EPHA8: variants seen among roughly 807,000 people sequenced by gnomAD.
The protein encoded by EPHA8 is EPH receptor A8.
EPHA8 carries 58 observed loss-of-function variants against 103.6 expected under a neutral mutation model. That is an observed-to-expected ratio of 0.56 (90% CI 0.45 to 0.70). The LOEUF is 0.70. EPHA8 is among the 30% of genes least tolerant of loss of function. The pLI is 0.00. For synonymous variants in EPHA8, 559 were observed against 572.5 expected (o/e 0.98, Z 0.34); for missense variants, 1,304 against 1,395.2 (o/e 0.93, Z 1.04).
In EPHA8 at chr1:22,598,238, C is replaced by T. The variant is rs775167606; in HGVS notation, c.2178+26C>T. 14 of 1,609,744 alleles carry T rather than the reference C, an allele frequency of 8.7e-6. No homozygotes were observed. The highest frequency in any genetic ancestry group is 1.2e-5 in the Non-Finnish European group (14 of 1,178,130). On this transcript the variant is annotated intron_variant, in intron 12 of 16. Coordinates refer to ENST00000166244, the MANE Select transcript of EPHA8 (RefSeq NM_020526.5). This position sits in a 1 kb window ranked among gnomAD's most constrained non-coding sequence, Gnocchi z 5.1. ...GTGCGTGTCCCACCCCTGCCTCTTG[C>T]ATGGGCTTGGGGAGGGAGGTCCAGT...
chr1:22,597,870 C>T lies in EPHA8; in HGVS notation c.2116+9C>T, dbSNP rs116211708. The stretch of plus-strand genomic sequence containing the variant: ...GGGTGTCGTCACCCGTGGTAGGTGC[C>T]GGGCAAAGACAGCCTCCCCCTGCAG... On this transcript the variant is annotated intron_variant, in intron 11 of 16. Coordinates refer to ENST00000166244, the MANE Select transcript of EPHA8 (RefSeq NM_020526.5). The surrounding 1 kb of genome is among the most constrained non-coding windows in gnomAD (Gnocchi z 4.6). 2.1e-5 allele frequency: 33 copies of T among 1,600,554 alleles called. No individual in the cohort carries two copies. The African/African-American group carries it at 2.4e-4, about 12-fold the overall frequency.
chr1:22,578,461 CATGT>C (rs1192922529), intron 3 of EPHA8, among the ~76,000 whole-genome samples: 6 of 141,240 alleles, frequency 4.2e-5, no homozygotes, highest in African/African-American at 1.6e-4. Context: ...CGAGTGTATG[CATGT>C]GTGTGCATGT....
intron 1 of EPHA8, among the ~76,000 whole-genome samples, chr1:22,568,037 C>T (rs74060285): frequency 0.028 from 4,234 of 152,298 alleles, 218 homozygotes; most frequent in African/African-American, 0.095. Context: ...CAGCATAATG[C>T]ATCTGTTTCA....
At chr1:22,586,899 C>G (rs1216090604) in intron 4 of EPHA8, among the ~76,000 whole-genome samples, 1 of 152,242 alleles carries the variant, frequency 6.6e-6, no homozygotes, top group Non-Finnish European at 1.5e-5. Context: ...TTCCCCACAT[C>G]GGGCAGTTTT....
chr1:22,577,031 A>G, intron 3 of EPHA8, 151 bp downstream of exon 3: 4 of 979,418 alleles, frequency 4.1e-6, no homozygotes, highest in South Asian at 1.8e-5. Context: ...CAGTGTTCCT[A>G]CATCAGGAAA....
intron 13 of EPHA8, 55 bp from the exon 14 acceptor site, chr1:22,600,606 G>A (rs1032341371): frequency 7.3e-5 from 116 of 1,599,624 alleles, no homozygotes; most frequent in Admixed American, 1.4e-4. Flanking sequence ...CAGACGGCTC[G>A]GGGGACACCC....
intron 4 of EPHA8, 29 bp downstream of exon 4, chr1:22,586,664 C>G: frequency 6.2e-7 from 1 of 1,608,960 alleles, no homozygotes; most frequent in Non-Finnish European, 8.5e-7. Context: ...TGCCAGTACC[C>G]TTGAGCCCAA....
In EPHA8 at chr1:22,598,161, A is replaced by G. The variant is rs1038007097; in HGVS notation, c.2127A>G (p.Ala709=). ...CTACTGCCCGCCCAGGCCGCCTGGC[A>G]ATGATTGTGACTGAGTACATGGAGA... is the stretch of plus-strand genomic sequence containing the variant. ...LEGVVTRGRL[A]MIVTEYMENG... is the part of the protein sequence containing the mutation. Residue 709 remains alanine (A), a synonymous_variant, in exon 12 of 17, where the codon GCA becomes GCG. Transcript: ENST00000166244. The surrounding 1 kb of genome is among the most constrained non-coding windows in gnomAD (Gnocchi z 5.1). The G allele has an allele frequency of 3.7e-6, 6 of 1,613,336 alleles. No individual in the cohort carries two copies. The highest frequency in any genetic ancestry group is 5.1e-6 in the Non-Finnish European group (6 of 1,179,964).
intron 3 of EPHA8, among the ~76,000 whole-genome samples, chr1:22,578,143 T>TATGC (rs1491483979): frequency 3.8e-4 from 36 of 95,756 alleles, no homozygotes; most frequent in South Asian, 1.2e-3. Context: ...TGCATGTGTG[T>TATGC]ATGTGTGCGT....
chr1:22,601,666 G>A lies in EPHA8; in HGVS notation c.2943G>A (p.Gln981=). 1 of 1,595,422 alleles carries A rather than the reference G, an allele frequency of 6.3e-7. No homozygotes were observed. The highest frequency in any genetic ancestry group is 8.5e-7 in the Non-Finnish European group (1 of 1,171,120). The change falls in exon 17 of 17, where the codon CAG becomes CAA. Residue 981 remains glutamine, a synonymous_variant. Coordinates refer to ENST00000166244, the MANE Select transcript of EPHA8 (RefSeq NM_020526.5). ...RALGITLMGH[Q]KKILGSIQTM... Reference sequence around the variant, plus strand: ...TGGGCATCACCCTCATGGGCCACCAGAAGAAGATCCTGGGCAGCATTCAGA... The same window carrying A: ...TGGGCATCACCCTCATGGGCCACCAAAAGAAGATCCTGGGCAGCATTCAGA...
rs371894783 is a variant in EPHA8, at chr1:22,597,395, G to A, written c.1849G>A (p.Glu617Lys). Residue 617 changes from glutamate to lysine, a missense_variant, in exon 10 of 17, where the codon GAG becomes AAG. Coordinates refer to ENST00000166244, the MANE Select transcript of EPHA8 (RefSeq NM_020526.5). This position sits in a 1 kb window ranked among gnomAD's most constrained non-coding sequence, Gnocchi z 4.6. ...PQFYAEPHTY[E>K]EPGRAGRSFT... is the part of the protein sequence containing the mutation. ...GTTCTATGCGGAACCCCACACCTAC[G>A]AGGAGCCAGGCCGGGCGGGCCGCAG... 77 of 1,613,420 alleles carry A rather than the reference G, an allele frequency of 4.8e-5. 1 individual carries two copies. Among genetic ancestry groups the A allele is most frequent in the South Asian group, 1.5e-4 (14 of 91,078 alleles).
At position 22,598,041 on chromosome 1, in the gene EPHA8, G is replaced by C; in HGVS notation, c.2117-110G>C. On this transcript the variant is annotated intron_variant, in intron 11 of 16. Coordinates refer to ENST00000166244, the MANE Select transcript of EPHA8 (RefSeq NM_020526.5). The surrounding 1 kb of genome is among the most constrained non-coding windows in gnomAD (Gnocchi z 5.1). Reference sequence around the variant, plus strand: ...CCCAGTGGAAACCCAAGGCACCCTGGGGTTTCCAGTGCTGGCACAGGTCCT... The same window carrying C: ...CCCAGTGGAAACCCAAGGCACCCTGCGGTTTCCAGTGCTGGCACAGGTCCT... 1 of 1,433,468 alleles carries C rather than the reference G, an allele frequency of 7.0e-7. No homozygotes were observed. Among genetic ancestry groups the C allele is most frequent in the Non-Finnish European group, 9.7e-7 (1 of 1,028,626 alleles). 88.8% of individuals were successfully genotyped at this position (1,433,468 alleles called of 1,614,324 possible). A position where few individuals can be genotyped will look rare whatever the true frequency, so the allele number is the denominator to read the frequency against.
chr1:22,587,980 G>T (rs564136555), intron 4 of EPHA8, among the ~76,000 whole-genome samples: 1 of 152,204 alleles, frequency 6.6e-6, no homozygotes, highest in Non-Finnish European at 1.5e-5. Flanking sequence ...GGACACTTGC[G>T]TGAAGCTGGC....
Position 22,598,008 on chromosome 1 carries a change from C to T in EPHA8, c.2117-143C>T. The T allele has an allele frequency of 7.0e-7, 1 of 1,420,660 alleles. No individual in the cohort carries two copies. The allele number at this position is 1,420,660 out of a possible 1,614,324, so 88.0% of individuals were successfully genotyped here. A position where few individuals can be genotyped will look rare whatever the true frequency, so the allele number is the denominator to read the frequency against. ...CCTGAATGACTCGGGGTGCCCAGAGCCTGGGACCCCAGTGGAAACCCAAGG... is the reference window on the plus strand; with the variant it reads ...CCTGAATGACTCGGGGTGCCCAGAGTCTGGGACCCCAGTGGAAACCCAAGG... On this transcript the variant is annotated intron_variant, in intron 11 of 16. Coordinates refer to ENST00000166244, the MANE Select transcript of EPHA8 (RefSeq NM_020526.5). The surrounding 1 kb of genome is among the most constrained non-coding windows in gnomAD (Gnocchi z 5.1).
intron 1 of EPHA8, among the ~76,000 whole-genome samples, chr1:22,568,450 C>T (rs1345285813): frequency 1.3e-5 from 2 of 152,220 alleles, no homozygotes; most frequent in Admixed American, 1.3e-4. Flanking sequence ...CCTGCCGTTG[C>T]TACAGCAAGT....
chr1:22,592,091 T>C (rs548122696), intron 5 of EPHA8, among the ~76,000 whole-genome samples: 2 of 152,178 alleles, frequency 1.3e-5, no homozygotes, highest in South Asian at 2.1e-4. Flanking sequence ...AAGCGACAGC[T>C]CTAAGCAAAT....
At chr1:22,585,264 C>T (rs1037155827) in intron 3 of EPHA8, among the ~76,000 whole-genome samples, 1 of 152,046 alleles carries the variant, frequency 6.6e-6, no homozygotes, top group African/African-American at 2.4e-5. Flanking sequence ...AAACAAGGCT[C>T]CAAGTGGGTT....
chr1:22,585,576 T>G (rs1388945387), intron 3 of EPHA8, among the ~76,000 whole-genome samples: 1 of 152,178 alleles, frequency 6.6e-6, no homozygotes, highest in Non-Finnish European at 1.5e-5. Flanking sequence ...TTCACAGCCC[T>G]CCAAGGCCCA....
Position 22,601,925 on chromosome 1 carries a change from G to T in EPHA8, c.*184G>T. 1 of 637,300 alleles carries T rather than the reference G, an allele frequency of 1.6e-6. No homozygotes were observed. Among genetic ancestry groups the T allele is most frequent in the Non-Finnish European group, 2.7e-6 (1 of 373,456 alleles). The allele number at this position is 637,300 out of a possible 1,614,324, so 39.5% of individuals were successfully genotyped here. A position where few individuals can be genotyped will look rare whatever the true frequency, so the allele number is the denominator to read the frequency against. ...TCAGGGGTCAGGCGCCTGGGAAGGG[G>T]CCTTTGGTGGCCACCCTGGTGAGGA... On this transcript the variant is annotated 3_prime_UTR_variant, in exon 17 of 17. Transcript: ENST00000166244.
Sources: gnomAD v4.1 joint callset for allele counts (sites outside exome capture counted in the v4.1 genomes callset) on GRCh38, gnomAD v4.1.1 for gene constraint, Gnocchi (gnomAD v3.1) non-coding constraint, MANE v1.5 for transcripts, NCBI Gene and HGNC (gene_info 2026-07-23, HGNC 2026-07-21) for gene names.